Variants in NCAM1 observed in about 807,000 individuals in gnomAD.
NCAM1 encodes the protein neural cell adhesion molecule 1.
In NCAM1, 14 loss-of-function variants were observed where a neutral mutation model predicts 109.8. The ratio of observed to expected loss-of-function variants is 0.13; its 90% CI spans 0.08 to 0.20. The LOEUF (loss-of-function observed/expected upper bound fraction) is 0.20. NCAM1 is among the 10% of genes least tolerant of loss of function. The pLI is 1.00. For missense variants in NCAM1, 774 were observed against 1,109.9 expected (o/e 0.70, Z 4.30); for synonymous variants, 418 against 442.9 (o/e 0.94, Z 0.70).
At chr11:113,207,429 T>A in intron 6 of NCAM1, 51 bp downstream of exon 6, 1 of 1,439,478 alleles carries the variant, frequency 6.9e-7, no homozygotes. Flanking sequence ...GAATGGGGCA[T>A]CACAAAGTCT....
chr11:113,262,696 G>T, intron 17 of NCAM1: 43 of 800,564 alleles, frequency 5.4e-5, no homozygotes, highest in Admixed American at 1.5e-4. Flanking sequence ...CTCTGTTTCT[G>T]TCTCTACCTT....
At chr11:113,111,980 G>A (rs889713241) in intron 1 of NCAM1, among the ~76,000 whole-genome samples, 14 of 152,066 alleles carry the variant, frequency 9.2e-5, no homozygotes, top group African/African-American at 3.1e-4. Context: ...TTTACTATGC[G>A]AAAAAGAAAA....
intron 1 of NCAM1, among the ~76,000 whole-genome samples, chr11:113,114,738 A>G (rs1246699267): frequency 6.6e-6 from 1 of 152,184 alleles, no homozygotes; most frequent in Non-Finnish European, 1.5e-5. Context: ...GCAGCTTTCT[A>G]TTTTGCAGTC....
In NCAM1 at chr11:113,233,139, C is replaced by T. The variant is rs1555117620; in HGVS notation, c.1523-8C>T. 6.2e-7 allele frequency: 1 copy of T among 1,610,734 alleles called. No homozygotes were observed. The highest frequency in any genetic ancestry group is 1.1e-5 in the South Asian group (1 of 90,470). On this transcript the variant is annotated splice_polypyrimidine_tract_variant and splice_region_variant and intron_variant, in intron 12 of 19. Coordinates refer to ENST00000316851, the MANE Select transcript of NCAM1 (RefSeq NM_181351.5). This position sits in a 1 kb window ranked among gnomAD's most constrained non-coding sequence, Gnocchi z 4.5. ...TCACCTGAGTCTCCATATGTGTCTT[C>T]CCCACAGACACCCCCTCTTCACCAT... is the stretch of plus-strand genomic sequence containing the variant.
intron 1 of NCAM1, among the ~76,000 whole-genome samples, chr11:113,081,274 GA>G: frequency 6.6e-6 from 1 of 152,286 alleles, no homozygotes; most frequent in South Asian, 2.1e-4. Context: ...GGGGTCCCGT[GA>G]GGTAAAGGAG....
intron 1 of NCAM1, among the ~76,000 whole-genome samples, chr11:113,075,346 A>T (rs1555085947): frequency 6.6e-6 from 1 of 152,188 alleles, no homozygotes; most frequent in Non-Finnish European, 1.5e-5. Flanking sequence ...CTGAGATTAC[A>T]GGTGTGAACT....
At chr11:113,220,731 C>T (rs541230985) in intron 8 of NCAM1, among the ~76,000 whole-genome samples, 156 of 151,400 alleles carry the variant, frequency 1.0e-3, no homozygotes, top group Non-Finnish European at 3.8e-4. Flanking sequence ...CCCAGCCTCC[C>T]GAATAGCTGG....
At chr11:113,240,685 C>A in intron 14 of NCAM1, 1 of 1,107,340 alleles carries the variant, frequency 9.0e-7, no homozygotes, top group Non-Finnish European at 1.4e-6. Flanking sequence ...ACTTCAGCTC[C>A]TCATACTGAT....
Position 113,235,395 on chromosome 11 carries a change from G to A in NCAM1, c.1825+231G>A. ...GTTGGGGACACTGTCCTAGTAGCCG[G>A]TCCAGCTTGTTAGAATAACAGTGAA... On this transcript the variant is annotated intron_variant, in intron 14 of 19. Transcript: ENST00000316851. 4.4e-6 allele frequency: 4 copies of A among 899,372 alleles called. No homozygotes were observed. In the Admixed American group the frequency reaches 5.2e-5, roughly 12 times the overall value. The allele number at this position is 899,372 out of a possible 1,614,324, so 55.7% of individuals were successfully genotyped here. A position where few individuals can be genotyped will look rare whatever the true frequency, so the allele number is the denominator to read the frequency against.
In NCAM1 at chr11:113,231,689, G is replaced by A. The variant is rs556514053; in HGVS notation, c.1134G>A (p.Ser378=). The change falls in exon 10 of 20, where the codon TCG becomes TCA. Residue 378 remains serine (S), a synonymous_variant. Coordinates refer to ENST00000316851, the MANE Select transcript of NCAM1 (RefSeq NM_181351.5). The part of the protein sequence containing the change: ...HMVVRSHARV[S]SLTLKSIQYT... ...TGGTGCGTAGCCATGCCCGTGTGTCGTCGCTGACCCTGAAGAGCATCCAGT... is the reference window on the plus strand; with the variant it reads ...TGGTGCGTAGCCATGCCCGTGTGTCATCGCTGACCCTGAAGAGCATCCAGT... 50 of 1,613,832 alleles carry A rather than the reference G, an allele frequency of 3.1e-5. 1 individual carries two copies. The highest frequency in any genetic ancestry group is 1.6e-4 in the Middle Eastern group (1 of 6,062).
rs1946320872 is a variant in NCAM1, at chr11:113,273,124, G to A, written c.2456+1248G>A. Reference sequence around the variant, plus strand: ...CCTGACTCAAACTCTGTACCGGCTGGCCAGGCCACCCCTTCCAAGGGGCCC... The same window carrying A: ...CCTGACTCAAACTCTGTACCGGCTGACCAGGCCACCCCTTCCAAGGGGCCC... On this transcript the variant is annotated intron_variant, in intron 19 of 19. Transcript: ENST00000316851. The surrounding 1 kb of genome is among the most constrained non-coding windows in gnomAD (Gnocchi z 6.0). 4.4e-6 allele frequency: 2 copies of A among 451,404 alleles called. No individual in the cohort carries two copies. The highest frequency in any genetic ancestry group is 3.1e-5 in the South Asian group (2 of 64,048). 28.0% of individuals were successfully genotyped at this position (451,404 alleles called of 1,614,324 possible).
chr11:113,003,408 C>A (rs1951807921), intron 1 of NCAM1, among the ~76,000 whole-genome samples: 1 of 152,190 alleles, frequency 6.6e-6, no homozygotes, highest in Non-Finnish European at 1.5e-5. Flanking sequence ...ATTTTTATTG[C>A]AGTTGTCTTG....
rs781841198 is a variant in NCAM1 at position 113,270,239 on chromosome 11, T to C, written c.2183T>C (p.Leu728Pro). The C allele has an allele frequency of 1.2e-6, 2 of 1,614,020 alleles. No individual in the cohort carries two copies. Among genetic ancestry groups the C allele is most frequent in the Non-Finnish European group, 1.7e-6 (2 of 1,179,886 alleles). ...AGCACCGGGGCCATCGTGGGCATCC[T>C]CATCGTCATCTTCGTCCTGCTCCTG... ...GLSTGAIVGILIVIFVLLLVV... is the reference protein window; with the variant it reads ...GLSTGAIVGIPIVIFVLLLVV... Residue 728 changes from leucine to proline, a missense_variant, in exon 18 of 20, where the codon CTC becomes CCC. Transcript: ENST00000316851.
intron 9 of NCAM1, among the ~76,000 whole-genome samples, chr11:113,227,274 C>G (rs1944879605): frequency 6.6e-6 from 1 of 152,074 alleles, no homozygotes; most frequent in African/African-American, 2.4e-5. Flanking sequence ...CACAGAAATA[C>G]AAACTACCAT....
chr11:113,009,748 G>A (rs1258401976), intron 1 of NCAM1, among the ~76,000 whole-genome samples: 1 of 152,156 alleles, frequency 6.6e-6, no homozygotes, highest in Non-Finnish European at 1.5e-5. Context: ...TCTTACAGAT[G>A]TTTTGGGATT....
At chr11:113,270,058 T>C in intron 17 of NCAM1, 130 bp from the exon 18 acceptor site, 1 of 829,706 alleles carries the variant, frequency 1.2e-6, no homozygotes, top group Non-Finnish European at 2.0e-6. Context: ...CCCAGGAAGG[T>C]GTCACTCTGG....
chr11:113,123,347 T>C (rs781866195), intron 1 of NCAM1, among the ~76,000 whole-genome samples: 4 of 152,202 alleles, frequency 2.6e-5, no homozygotes, highest in Admixed American at 1.3e-4. Context: ...AATATTAATG[T>C]ATCAATTTCA....
chr11:113,251,291 G>A (rs2137517982), intron 15 of NCAM1, among the ~76,000 whole-genome samples: 1 of 152,338 alleles, frequency 6.6e-6, no homozygotes, highest in South Asian at 2.1e-4. Flanking sequence ...ATATCCAGTG[G>A]AGTTTTCTAA....
chr11:112,998,166 G>T (rs954812802), intron 1 of NCAM1, among the ~76,000 whole-genome samples: 2 of 152,196 alleles, frequency 1.3e-5, no homozygotes, highest in Non-Finnish European at 2.9e-5. Flanking sequence ...TGGCCAACAA[G>T]AACTTTTGCC....
Sources: allele counts gnomAD v4.1 joint callset (sites outside exome capture counted in the v4.1 genomes callset), GRCh38; gene constraint gnomAD v4.1.1; non-coding constraint Gnocchi (gnomAD v3.1); transcripts MANE v1.5; gene names NCBI Gene and HGNC (gene_info 2026-07-23, HGNC 2026-07-21).